The following TFEC variants were observed in gnomAD, a reference collection of about 807,000 sequenced individuals.
TFEC encodes the protein class E basic helix-loop-helix protein 34.
A neutral mutation model predicts 41.6 loss-of-function variants in TFEC; 31 were observed. The observed-to-expected ratio is 0.74, with a 90% CI of 0.56 to 1.01. TFEC has a LOEUF of 1.01. Ranked by LOEUF, TFEC falls within the 50% of genes least tolerant of loss-of-function variation. The pLI is 0.00. For missense variants in TFEC, 402 were observed against 404.1 expected (o/e 0.99, Z 0.04); for synonymous variants, 143 against 140.6 (o/e 1.02, Z -0.12).
At chr7:115,967,490 A>T (rs921809855) in intron 3 of TFEC, among the ~76,000 whole-genome samples, 4 of 151,798 alleles carry the variant, frequency 2.6e-5, no homozygotes, top group Non-Finnish European at 5.9e-5. Context: ...TTGGGTGTTT[A>T]TTAATGTAGA....
At chr7:116,082,814 C>G (rs1446327325) in intron 3 of TFEC, among the ~76,000 whole-genome samples, 1 of 151,734 alleles carries the variant, frequency 6.6e-6, no homozygotes, top group Non-Finnish European at 1.5e-5. Flanking sequence ...GTTTCTAGAC[C>G]GTCTCATCAG....
chr7:116,038,820 T>C (rs1454087862), intron 3 of TFEC, among the ~76,000 whole-genome samples: 3 of 152,056 alleles, frequency 2.0e-5, no homozygotes, highest in African/African-American at 4.8e-5. Flanking sequence ...TATAAACATA[T>C]AGTGTTAAAA....
At chr7:116,111,433 G>C (rs1797853155) in intron 2 of TFEC, among the ~76,000 whole-genome samples, 1 of 152,020 alleles carries the variant, frequency 6.6e-6, no homozygotes, top group Non-Finnish European at 1.5e-5. Flanking sequence ...GTGTATTTAA[G>C]TGCACTAACA....
intron 1 of TFEC, among the ~76,000 whole-genome samples, chr7:116,137,189 T>C (rs2116358997): frequency 6.6e-6 from 1 of 152,230 alleles, no homozygotes; most frequent in East Asian, 1.9e-4. Flanking sequence ...GATGATCTTT[T>C]CCCCCAAGGT....
intron 3 of TFEC, among the ~76,000 whole-genome samples, chr7:115,960,944 AG>A (rs781474163): frequency 1.3e-5 from 2 of 151,686 alleles, no homozygotes; most frequent in Non-Finnish European, 3.0e-5. Context: ...TATTCCTAAA[AG>A]GTATAACAAT....
chr7:115,978,667 T>C (rs13234935), intron 2 of TFEC, among the ~76,000 whole-genome samples: 1 of 152,158 alleles, frequency 6.6e-6, no homozygotes, highest in African/African-American at 2.4e-5. Flanking sequence ...ATCCCTTTTG[T>C]TGTTATTTTT....
At chr7:115,998,821 A>C (rs1180381592) in intron 1 of TFEC, among the ~76,000 whole-genome samples, 1 of 150,476 alleles carries the variant, frequency 6.6e-6, no homozygotes, top group Non-Finnish European at 1.5e-5. Flanking sequence ...TGGAGCATCC[A>C]GATATATAAA....
At position 115,940,490 on chromosome 7, in the gene TFEC, A is replaced by G; in HGVS notation, c.*61T>C. On this transcript the variant is annotated 3_prime_UTR_variant, in exon 8 of 8. Transcript: ENST00000265440. Reference sequence around the variant, plus strand: ...CAAAGCAACATATGAAACACAGAGCATAATTGCATAGCACCAGCATAGAAT... The same window carrying G: ...CAAAGCAACATATGAAACACAGAGCGTAATTGCATAGCACCAGCATAGAAT... The G allele has an allele frequency of 3.3e-6, 5 of 1,516,848 alleles. No individual in the cohort carries two copies. The highest frequency in any genetic ancestry group is 4.4e-6 in the Non-Finnish European group (5 of 1,128,700). 94.0% of individuals were successfully genotyped at this position (1,516,848 alleles called of 1,614,324 possible). A position where few individuals can be genotyped will look rare whatever the true frequency, so the allele number is the denominator to read the frequency against.
chr7:116,036,594 G>T (rs996112148), intron 3 of TFEC, among the ~76,000 whole-genome samples: 1 of 152,084 alleles, frequency 6.6e-6, no homozygotes, highest in South Asian at 2.1e-4. Flanking sequence ...CAAAACTAAT[G>T]CTGTAATTAT....
At chr7:116,133,447 G>T (rs2116331486) in intron 1 of TFEC, among the ~76,000 whole-genome samples, 1 of 151,778 alleles carries the variant, frequency 6.6e-6, no homozygotes, top group Non-Finnish European at 1.5e-5. Context: ...CTACACAGGG[G>T]ACTGAGGAAC....
intron 1 of TFEC, among the ~76,000 whole-genome samples, chr7:116,158,700 T>C (rs1343299133): frequency 6.6e-6 from 1 of 152,076 alleles, no homozygotes; most frequent in East Asian, 1.9e-4. Flanking sequence ...ATGGATAAAA[T>C]GTTAGGCTTT....
intron 3 of TFEC, among the ~76,000 whole-genome samples, chr7:116,078,227 CAA>C (rs975017177): frequency 5.3e-5 from 8 of 151,686 alleles, no homozygotes; most frequent in African/African-American, 1.9e-4. Context: ...ATTCCTTCAT[CAA>C]AGAGTATTAA....
Position 116,113,078 on chromosome 7 carries a change from C to T in TFEC, c.-68-1040G>A, listed in dbSNP as rs539857423. On this transcript the variant is annotated intron_variant, in intron 1 of 8. Coordinates refer to the TFEC transcript ENST00000484212. ...AGAGTATTGCATGAAGACAAAAGTCCTTGGTTCATATTCTGAATGTGTGCT... is the reference window on the plus strand; with the variant it reads ...AGAGTATTGCATGAAGACAAAAGTCTTTGGTTCATATTCTGAATGTGTGCT... Among the ~76,000 whole-genome samples the T allele has an allele frequency of 7.5e-4, 114 of 151,902 alleles. 1 individual carries two copies. Among genetic ancestry groups the T allele is most frequent in the African/African-American group, 2.6e-3 (108 of 41,486 alleles).
chr7:115,958,935 T>A (rs1792382158), intron 3 of TFEC, among the ~76,000 whole-genome samples: 1 of 151,802 alleles, frequency 6.6e-6, no homozygotes, highest in African/African-American at 2.4e-5. Flanking sequence ...TTAAAAGATG[T>A]AAGAGTCCAG....
rs186765230 is a variant in TFEC at position 116,064,487 on chromosome 7, A to G, written c.198+46221T>C. ...GGTAAAGAAAACAAAACCCACAATA[A>G]TAAAGAAAAAAGGAAAGAGAAACAC... On this transcript the variant is annotated intron_variant, in intron 3 of 8. Coordinates refer to the TFEC transcript ENST00000484212. Among the ~76,000 whole-genome samples the G allele has an allele frequency of 2.6e-5, 4 of 152,130 alleles. No individual in the cohort carries two copies. The East Asian group carries it at 7.7e-4, about 29-fold the overall frequency.
intron 3 of TFEC, among the ~76,000 whole-genome samples, chr7:115,962,800 T>C (rs1792630315): frequency 6.6e-6 from 1 of 151,890 alleles, no homozygotes; most frequent in Non-Finnish European, 1.5e-5. Context: ...ATCCAGAATA[T>C]ATACATAAAA....
intron 3 of TFEC, among the ~76,000 whole-genome samples, chr7:116,069,507 G>A (rs1377775288): frequency 6.6e-6 from 1 of 151,588 alleles, no homozygotes; most frequent in Admixed American, 6.6e-5. Context: ...CTTGAACCTT[G>A]CCTCCAGGTA....
At chr7:116,095,652 G>T (rs1378195675) in intron 3 of TFEC, among the ~76,000 whole-genome samples, 1 of 152,060 alleles carries the variant, frequency 6.6e-6, no homozygotes, top group Admixed American at 6.6e-5. Flanking sequence ...TTGTAATCTG[G>T]CTTCTGTTCC....
At chr7:116,095,233 C>A (rs1451988494) in intron 3 of TFEC, among the ~76,000 whole-genome samples, 1 of 152,146 alleles carries the variant, frequency 6.6e-6, no homozygotes, top group African/African-American at 2.4e-5. Context: ...TGCCTTAACT[C>A]ACCTTAAATC....
Sources: gnomAD v4.1 joint callset for allele counts (sites outside exome capture counted in the v4.1 genomes callset) on GRCh38, gnomAD v4.1.1 for gene constraint, MANE v1.5 for transcripts, NCBI Gene and HGNC (gene_info 2026-07-23, HGNC 2026-07-21) for gene names.